Variants in SNX29 observed in about 807,000 individuals in gnomAD.
SNX29 encodes sorting nexin-29.
SNX29 carries 78 observed loss-of-function variants against 102.1 expected under a neutral mutation model. The ratio of observed to expected loss-of-function variants is 0.76; its 90% CI spans 0.64 to 0.92. The LOEUF (loss-of-function observed/expected upper bound fraction) is 0.92. Among genes scored for constraint, SNX29 ranks in the 40% least tolerant of loss-of-function variants. SNX29 has a pLI of 0.00. For synonymous variants in SNX29, 580 were observed against 414.5 expected, an observed-to-expected ratio of 1.40 and a Z score of -4.85; for missense variants, 1,280 against 1,061.7, an observed-to-expected ratio of 1.21 and a Z score of -2.86.
intron 18 of SNX29, among the ~76,000 whole-genome samples, chr16:12,435,251 C>G (rs913194329): frequency 2.0e-5 from 3 of 152,196 alleles, no homozygotes; most frequent in African/African-American, 7.2e-5. Flanking sequence ...GCTGATAGGA[C>G]CCATCTGGTC....
intron 15 of SNX29, among the ~76,000 whole-genome samples, chr16:12,320,295 C>T (rs1046502085): frequency 3.3e-5 from 5 of 152,208 alleles, no homozygotes; most frequent in African/African-American, 4.8e-5. Context: ...GTGCACCAGC[C>T]CTGCCATTGG....
intron 13 of SNX29, among the ~76,000 whole-genome samples, chr16:12,164,481 A>G (rs901086749): frequency 4.6e-5 from 7 of 152,154 alleles, no homozygotes; most frequent in African/African-American, 1.7e-4. Flanking sequence ...CTGGCCTAGC[A>G]TTACAACCTT....
rs546078060 is a variant in SNX29 at position 12,419,891 on chromosome 16, G to A, written c.2037+16362G>A. On this transcript the variant is annotated intron_variant, in intron 18 of 20. Transcript: ENST00000566228. ...ATGTTTTCCCCAAAAGAAAATGAGG[G>A]TGCTCTGACTAGCAGAAGGGAGATG... Among the ~76,000 whole-genome samples the A allele has an allele frequency of 3.3e-5, 5 of 152,344 alleles. No individual in the cohort carries two copies. In the East Asian group the frequency reaches 7.7e-4, roughly 24 times the overall value.
At chr16:12,351,256 A>G (rs1340150055) in intron 15 of SNX29, among the ~76,000 whole-genome samples, 2 of 152,224 alleles carry the variant, frequency 1.3e-5, no homozygotes, top group Non-Finnish European at 2.9e-5. Flanking sequence ...GTCTAGGTTC[A>G]CTTTTTAACA....
chr16:12,185,271 C>G (rs921102876), intron 13 of SNX29, among the ~76,000 whole-genome samples: 2 of 152,094 alleles, frequency 1.3e-5, no homozygotes, highest in Non-Finnish European at 2.9e-5. Context: ...TTTGGGGGAA[C>G]TGGAGGGTAC....
At chr16:12,442,441 T>A (rs947028221) in intron 18 of SNX29, among the ~76,000 whole-genome samples, 1 of 152,212 alleles carries the variant, frequency 6.6e-6, no homozygotes, top group African/African-American at 2.4e-5. Context: ...GGCAAGAGAT[T>A]ACAAGTGTTT....
Position 12,573,548 on chromosome 16 carries a change from C to T in SNX29, c.*4919C>T. 4.5e-6 allele frequency: 1 copy of T among 224,130 alleles called. No individual in the cohort carries two copies. Among genetic ancestry groups the T allele is most frequent in the Admixed American group, 5.7e-5 (1 of 17,458 alleles). 13.9% of individuals were successfully genotyped at this position (224,130 alleles called of 1,614,324 possible). ...TTCTTACTGGTGCGTAAGTGTTTTC[C>T]CATCCTAACCGGAAAACCACTCACC... is the stretch of plus-strand genomic sequence containing the variant. On this transcript the variant is annotated 3_prime_UTR_variant, in exon 21 of 21. Transcript: ENST00000566228.
chr16:12,392,308 G>A (rs1388684717), intron 16 of SNX29, among the ~76,000 whole-genome samples: 1 of 152,198 alleles, frequency 6.6e-6, no homozygotes, highest in African/African-American at 2.4e-5. Context: ...TGCAACAAAT[G>A]TCTTTGTATC....
At chr16:12,532,461 C>G (rs1265241016) in intron 20 of SNX29, among the ~76,000 whole-genome samples, 1 of 152,102 alleles carries the variant, frequency 6.6e-6, no homozygotes, top group African/African-American at 2.4e-5. Flanking sequence ...TATTATTAAG[C>G]AAACAGTTTT....
chr16:12,059,739 A>G (rs967013696), intron 8 of SNX29, among the ~76,000 whole-genome samples: 1 of 152,168 alleles, frequency 6.6e-6, no homozygotes, highest in Admixed American at 6.5e-5. Context: ...TGAAGCCTGA[A>G]ATATGTACTC....
chr16:12,294,692 T>A (rs141542274), intron 15 of SNX29, among the ~76,000 whole-genome samples: 24 of 152,286 alleles, frequency 1.6e-4, no homozygotes, highest in African/African-American at 5.8e-4. Flanking sequence ...AGCTCAGACC[T>A]GCCTATGTCC....
At chr16:12,078,969 T>A (rs2051728562) in intron 11 of SNX29, 54 bp downstream of exon 11, 2 of 1,466,880 alleles carry the variant, frequency 1.4e-6, no homozygotes, top group Non-Finnish European at 1.9e-6. Context: ...CTGGCCCACG[T>A]CTCATGGCGG....
chr16:12,313,755 T>C (rs565491854), intron 15 of SNX29, among the ~76,000 whole-genome samples: 187 of 152,346 alleles, frequency 1.2e-3, no homozygotes, highest in African/African-American at 4.3e-3. Context: ...AATTGCCCCA[T>C]TGGTATCAGT....
chr16:12,199,554 T>G, intron 13 of SNX29, 47 bp from the exon 14 acceptor site: 2 of 1,530,578 alleles, frequency 1.3e-6, no homozygotes, highest in African/African-American at 1.4e-5. Flanking sequence ...TGGGTCCACA[T>G]TGTCACTTTT....
intron 13 of SNX29, among the ~76,000 whole-genome samples, chr16:12,171,762 C>T (rs1019218066): frequency 6.6e-6 from 1 of 152,252 alleles, no homozygotes; most frequent in Admixed American, 6.5e-5. Context: ...GCTTGCGTTC[C>T]TGTTTCACTA....
At position 12,182,215 on chromosome 16, in the gene SNX29, G is replaced by A. The variant is rs148970403; in HGVS notation, c.1596-17386G>A. ...TTTTTTTTTTTTTTTTTTTTTAATG[G>A]GGATTTTGAGAGATTAAAAAATTAT... is the stretch of plus-strand genomic sequence containing the variant. On this transcript the variant is annotated intron_variant, in intron 13 of 20. Transcript: ENST00000566228. Among the ~76,000 whole-genome samples the A allele has an allele frequency of 2.5e-3, 364 of 148,526 alleles. 2 individuals carry two copies. The highest frequency in any genetic ancestry group is 8.6e-3 in the African/African-American group (347 of 40,332).
intron 20 of SNX29, among the ~76,000 whole-genome samples, chr16:12,561,795 G>T (rs1352161336): frequency 6.6e-6 from 1 of 152,154 alleles, no homozygotes; most frequent in African/African-American, 2.4e-5. Context: ...CGCGTGGCCT[G>T]GCAGGGGGCT....
Position 12,568,910 on chromosome 16 carries a change from C to CA in SNX29, c.*282dup, listed in dbSNP as rs1293028408. The CA allele has an allele frequency of 4.3e-6, 2 of 470,266 alleles. No homozygotes were observed. Among genetic ancestry groups the CA allele is most frequent in the Non-Finnish European group, 7.5e-6 (2 of 267,360 alleles). The allele number at this position is 470,266 out of a possible 1,614,324, so 29.1% of individuals were successfully genotyped here. On this transcript the variant is annotated 3_prime_UTR_variant, in exon 21 of 21. Transcript: ENST00000566228. ...CCCTGGGCTGCAAGGGCTGTTCCTC[C>CA]ACCTTTCTGTAGTTCAGGGCTGGCA...
At chr16:12,251,682 AAC>A (rs1259372495) in intron 14 of SNX29, among the ~76,000 whole-genome samples, 14 of 152,160 alleles carry the variant, frequency 9.2e-5, no homozygotes, top group African/African-American at 3.4e-4. Context: ...CAGCCTGGGC[AAC>A]AGAGTAAGAC....
Sources: gnomAD v4.1 joint callset for allele counts (sites outside exome capture counted in the v4.1 genomes callset) on GRCh38, gnomAD v4.1.1 for gene constraint, MANE v1.5 for transcripts, NCBI Gene and HGNC (gene_info 2026-07-23, HGNC 2026-07-21) for gene names.